The following TULP4 variants were observed in gnomAD, a reference collection of about 807,000 sequenced individuals.
TULP4 encodes TUB like protein 4, also known as tubby-related protein 4.
In TULP4, 16 loss-of-function variants were observed where a neutral mutation model predicts 129.0. The ratio of observed to expected loss-of-function variants is 0.12; its 90% CI spans 0.08 to 0.19. The LOEUF (loss-of-function observed/expected upper bound fraction) is 0.19, where lower values mean the gene tolerates loss of function less well. Ranked by LOEUF, TULP4 falls within the 10% of genes least tolerant of loss-of-function variation. TULP4 has a pLI of 1.00. For synonymous variants in TULP4, 998 were observed against 854.0 expected (o/e 1.17, Z -2.94); for missense variants, 1,842 against 2,059.1 (o/e 0.89, Z 2.04).
chr6:158,307,743 A>G (rs1456357180), upstream of TULP4, among the ~76,000 whole-genome samples: 2 of 152,096 alleles, frequency 1.3e-5, no homozygotes, highest in Non-Finnish European at 2.9e-5. Context: ...GGCCTCCCAA[A>G]GTCTTGTACC....
chr6:158,386,195 C>T lies in TULP4; in HGVS notation c.253-26870C>T, dbSNP rs143879723. Among the ~76,000 whole-genome samples, 15 of 152,038 alleles carry T rather than the reference C, an allele frequency of 9.9e-5. 1 individual carries two copies. The East Asian group carries it at 2.9e-3, about 29-fold the overall frequency. On this transcript the variant is annotated intron_variant, in intron 1 of 13. Transcript: ENST00000367097. ...AGACTGCAATTGGCTAGCTGAGATA[C>T]TCACCCTAAATTTTTTTTATTTAAA...
At chr6:158,367,376 A>G (rs1300016798) in intron 1 of TULP4, among the ~76,000 whole-genome samples, 3 of 152,246 alleles carry the variant, frequency 2.0e-5, no homozygotes, top group Non-Finnish European at 4.4e-5. Flanking sequence ...AAGTCTCTTC[A>G]TAGATGATTG....
intron 8 of TULP4, among the ~76,000 whole-genome samples, chr6:158,488,395 CACTGTGGCTTT>C: frequency 6.6e-6 from 1 of 152,328 alleles, no homozygotes; most frequent in East Asian, 1.9e-4. Context: ...ACTGTGGCTT[CACTGTGGCTTT>C]CGCTGGGTCC....
At chr6:158,365,042 T>G (rs1780897783) in intron 1 of TULP4, among the ~76,000 whole-genome samples, 1 of 151,858 alleles carries the variant, frequency 6.6e-6, no homozygotes, top group Non-Finnish European at 1.5e-5. Context: ...GCCCCTAGAT[T>G]TGTTTTTATC....
intron 4 of TULP4, among the ~76,000 whole-genome samples, chr6:158,450,135 T>C (rs1488474865): frequency 1.3e-5 from 2 of 152,218 alleles, no homozygotes; most frequent in African/African-American, 2.4e-5. Flanking sequence ...TGCCTAGCTG[T>C]AACCATCTCG....
intron 1 of TULP4, among the ~76,000 whole-genome samples, chr6:158,274,265 CA>C (rs1562502078): frequency 6.6e-6 from 1 of 151,336 alleles, no homozygotes; most frequent in Non-Finnish European, 1.5e-5. Flanking sequence ...CTCAAAAAAA[CA>C]AAAACAAAAC....
At chr6:158,468,345 A>G (rs1779599417) in intron 6 of TULP4, among the ~76,000 whole-genome samples, 2 of 152,232 alleles carry the variant, frequency 1.3e-5, no homozygotes, top group Non-Finnish European at 2.9e-5. Context: ...GGCCGCCTTC[A>G]GCCAGATAAA....
At chr6:158,459,047 G>A (rs777620665) in intron 5 of TULP4, among the ~76,000 whole-genome samples, 8 of 152,168 alleles carry the variant, frequency 5.3e-5, no homozygotes, top group Non-Finnish European at 1.2e-4. Context: ...AACAAGAAAT[G>A]GCATTATTTA....
chr6:158,440,317 C>CAAAAAA (rs34200003), intron 3 of TULP4, among the ~76,000 whole-genome samples: 1 of 86,032 alleles, frequency 1.2e-5, no homozygotes, highest in East Asian at 4.7e-4. Context: ...GTCCCTGTCT[C>CAAAAAA]AAAAAAAAAA....
At chr6:158,485,553 A>G (rs1241609680) in intron 8 of TULP4, among the ~76,000 whole-genome samples, 1 of 152,228 alleles carries the variant, frequency 6.6e-6, no homozygotes, top group Non-Finnish European at 1.5e-5. Flanking sequence ...AACATGCACT[A>G]TTCTTCAAGA....
upstream of TULP4, chr6:158,310,454 G>A (rs1484907608): frequency 6.6e-6 from 1 of 151,824 alleles, no homozygotes; most frequent in Non-Finnish European, 1.5e-5. Context: ...CTGAGTAGTT[G>A]GGATTACAGG....
At chr6:158,488,904 T>C (rs1381429446) in intron 8 of TULP4, among the ~76,000 whole-genome samples, 1 of 152,068 alleles carries the variant, frequency 6.6e-6, no homozygotes, top group African/African-American at 2.4e-5. Context: ...CCCACAGTTT[T>C]GCCATCATCC....
At chr6:158,279,617 A>G (rs1778712358), upstream of TULP4, among the ~76,000 whole-genome samples, 2 of 152,176 alleles carry the variant, frequency 1.3e-5, no homozygotes, top group Non-Finnish European at 2.9e-5. Flanking sequence ...TTAATATCTG[A>G]TTAATTATGT....
intron 1 of TULP4, among the ~76,000 whole-genome samples, chr6:158,375,589 G>C (rs937490781): frequency 1.3e-5 from 2 of 152,186 alleles, no homozygotes; most frequent in South Asian, 2.1e-4. Context: ...AGTTACATTT[G>C]ATCTGAGTTT....
At chr6:158,506,045 C>G in intron 13 of TULP4, among the ~76,000 whole-genome samples, 1 of 151,956 alleles carries the variant, frequency 6.6e-6, no homozygotes, top group East Asian at 1.9e-4. Context: ...ACCTTGCTCA[C>G]TGTCTCCATT....
intron 1 of TULP4, among the ~76,000 whole-genome samples, chr6:158,353,902 G>A (rs1780582395): frequency 6.6e-6 from 1 of 152,312 alleles, no homozygotes; most frequent in East Asian, 1.9e-4. Flanking sequence ...TCCCTAAAGG[G>A]GTTTTATTTT....
intron 6 of TULP4, among the ~76,000 whole-genome samples, chr6:158,465,684 G>T (rs1418753861): frequency 6.6e-6 from 1 of 152,232 alleles, no homozygotes; most frequent in Non-Finnish European, 1.5e-5. Flanking sequence ...GTCTCAAGAG[G>T]TCCTGAGAAA....
chr6:158,237,961 T>C lies in TULP4; in HGVS notation n.68+5658T>C, dbSNP rs1177270503. 7.0e-5 allele frequency: 51 copies of C among 729,046 alleles called. No homozygotes were observed. The Admixed American group carries it at 9.0e-4, about 13-fold the overall frequency. 45.2% of individuals were successfully genotyped at this position (729,046 alleles called of 1,614,324 possible). ...ACTAATTGCCTCCTCCCGCCCATAT[T>C]TGAGCTTGAAGTTTGCAGCTTCTTT... On this transcript the variant is annotated intron_variant and non_coding_transcript_variant, in intron 1 of 1. Coordinates refer to the TULP4 transcript ENST00000620026.
chr6:158,334,829 G>T (rs75166843), intron 1 of TULP4, among the ~76,000 whole-genome samples: 411 of 152,274 alleles, frequency 2.7e-3, no homozygotes, highest in African/African-American at 9.5e-3. Context: ...CCTTATAAAA[G>T]GGCTTGAGGA....
Sources: gnomAD v4.1 joint callset for allele counts (sites outside exome capture counted in the v4.1 genomes callset) on GRCh38, gnomAD v4.1.1 for gene constraint, MANE v1.5 for transcripts, NCBI Gene and HGNC (gene_info 2026-07-23, HGNC 2026-07-21) for gene names.